ZNF423: variants seen among roughly 807,000 people sequenced by gnomAD.
ZNF423 encodes the protein zinc finger protein 423, also known as Ebf-associated zinc finger protein.
In ZNF423, 12 loss-of-function variants were observed where a neutral mutation model predicts 95.8. That is an observed-to-expected ratio of 0.13 (90% CI 0.08 to 0.20). The LOEUF is 0.20. ZNF423 is among the 10% of genes least tolerant of loss of function. ZNF423 has a pLI of 1.00. For synonymous variants in ZNF423, 749 were observed against 711.9 expected (o/e 1.05, Z -0.83); for missense variants, 1,316 against 1,737.1 (o/e 0.76, Z 4.31).
intron 1 of ZNF423, among the ~76,000 whole-genome samples, chr16:49,834,712 C>T (rs1416130183): frequency 6.6e-6 from 1 of 152,086 alleles, no homozygotes; most frequent in Non-Finnish European, 1.5e-5. Flanking sequence ...GGCTGCCACT[C>T]GGAGCACGCT....
At position 49,795,880 on chromosome 16, in the gene ZNF423, TG is replaced by T. The variant is rs1453776180; in HGVS notation, c.41-6335del. ...GTGTTTGCGGCCATCTCTGAAGTCCTGGGGGGCTTCCAGTTCCCTGTGTGAG... is the reference window on the plus strand; with the variant it reads ...GTGTTTGCGGCCATCTCTGAAGTCCTGGGGGCTTCCAGTTCCCTGTGTGAG... On this transcript the variant is annotated intron_variant, in intron 1 of 7. Transcript: ENST00000563137. 3.3e-5 allele frequency among the ~76,000 whole-genome samples: 5 copies of T among 152,252 alleles called. No homozygotes were observed. In the East Asian group the frequency reaches 9.7e-4, roughly 30 times the overall value.
intron 2 of ZNF423, among the ~76,000 whole-genome samples, chr16:49,780,921 T>C (rs558581336): frequency 6.6e-6 from 1 of 152,338 alleles, no homozygotes; most frequent in East Asian, 1.9e-4. Context: ...ATCAAGAAGA[T>C]GATTGGGTTG....
At chr16:49,670,738 C>T (rs757743786) in intron 3 of ZNF423, among the ~76,000 whole-genome samples, 5 of 152,228 alleles carry the variant, frequency 3.3e-5, no homozygotes, top group East Asian at 1.9e-4. Context: ...TCTCAGCCAA[C>T]GTAGGCTACA....
At chr16:49,549,051 A>G (rs971513972) in intron 5 of ZNF423, among the ~76,000 whole-genome samples, 21 of 152,192 alleles carry the variant, frequency 1.4e-4, no homozygotes, top group African/African-American at 4.3e-4. Context: ...AGTTATTGTC[A>G]GATGTGTGCC....
At chr16:49,756,049 G>T (rs1443326335) in intron 2 of ZNF423, among the ~76,000 whole-genome samples, 1 of 152,212 alleles carries the variant, frequency 6.6e-6, no homozygotes, top group African/African-American at 2.4e-5. Context: ...TGAGTCCAAG[G>T]TTCAGGTAGA....
chr16:49,514,212 A>ACACG (rs1555502862), intron 7 of ZNF423, among the ~76,000 whole-genome samples: 1 of 43,298 alleles, frequency 2.3e-5, no homozygotes, highest in Non-Finnish European at 4.6e-5. Context: ...ACACACACAC[A>ACACG]TGCACACGCA....
chr16:49,798,961 T>G (rs1439709781), intron 1 of ZNF423, among the ~76,000 whole-genome samples: 2 of 152,160 alleles, frequency 1.3e-5, no homozygotes, highest in Non-Finnish European at 2.9e-5. Flanking sequence ...AATTCATCTG[T>G]CCTTACAGGA....
At chr16:49,675,027 G>A (rs576889171) in intron 3 of ZNF423, among the ~76,000 whole-genome samples, 6 of 152,284 alleles carry the variant, frequency 3.9e-5, no homozygotes, top group East Asian at 1.9e-4. Context: ...AGGGCAGAGC[G>A]GGAGGCCTGT....
chr16:49,499,244 T>C (rs1172046228), intron 7 of ZNF423, among the ~76,000 whole-genome samples: 1 of 152,236 alleles, frequency 6.6e-6, no homozygotes, highest in African/African-American at 2.4e-5. Context: ...AGCTCTTCCA[T>C]GCACGGGATG....
At chr16:49,743,673 C>T (rs1037228481) in intron 2 of ZNF423, among the ~76,000 whole-genome samples, 3 of 152,032 alleles carry the variant, frequency 2.0e-5, no homozygotes, top group African/African-American at 7.3e-5. Flanking sequence ...CTCCCCAGAC[C>T]CGGCTCTAGG....
At position 49,603,084 on chromosome 16, in the gene ZNF423, A is replaced by G. The variant is rs767030854; in HGVS notation, c.3601+23086T>C. Among the ~76,000 whole-genome samples, 1 of 152,178 alleles carries G rather than the reference A, an allele frequency of 6.6e-6. No individual in the cohort carries two copies. The highest frequency in any genetic ancestry group is 1.5e-5 in the Non-Finnish European group (1 of 68,024). On this transcript the variant is annotated intron_variant, in intron 5 of 7. Coordinates refer to ENST00000563137, the MANE Select transcript of ZNF423 (RefSeq NM_001379286.1). The surrounding 1 kb of genome is among the most constrained non-coding windows in gnomAD (Gnocchi z 4.1). ...GAGGTTCCGAAACACTGGTGCGAGA[A>G]AAGGGTCTGGATGGGAGGATACCAG...
chr16:49,644,710 A>G (rs1973113887), intron 3 of ZNF423, among the ~76,000 whole-genome samples: 1 of 144,450 alleles, frequency 6.9e-6, no homozygotes, highest in African/African-American at 2.6e-5. Context: ...GTGAGCCTAC[A>G]GAGGGAACAA....
intron 5 of ZNF423, among the ~76,000 whole-genome samples, chr16:49,544,206 G>GGTCCAGA (rs1567456616): frequency 6.6e-6 from 1 of 152,326 alleles, no homozygotes; most frequent in East Asian, 1.9e-4. Flanking sequence ...ACGACAGTAT[G>GGTCCAGA]GTCCAGAGGT....
intron 3 of ZNF423, among the ~76,000 whole-genome samples, chr16:49,717,544 C>T (rs1432607419): frequency 6.6e-6 from 1 of 152,246 alleles, no homozygotes. Context: ...GAGCCAAAAG[C>T]CATCATGGCA....
intron 1 of ZNF423, among the ~76,000 whole-genome samples, chr16:49,810,497 C>T (rs954737634): frequency 2.6e-5 from 4 of 152,112 alleles, no homozygotes; most frequent in African/African-American, 9.7e-5. Context: ...TCTGAGGGCC[C>T]GACTCAGCTG....
At chr16:49,791,302 C>T (rs1170492975) in intron 1 of ZNF423, among the ~76,000 whole-genome samples, 1 of 152,040 alleles carries the variant, frequency 6.6e-6, no homozygotes, top group Non-Finnish European at 1.5e-5. Flanking sequence ...GCAATCAAGA[C>T]CTCGTGTCAG....
rs1266623102 is a variant in ZNF423, at chr16:49,488,098, T to C, written c.*3177A>G. On this transcript the variant is annotated 3_prime_UTR_variant, in exon 8 of 8. Coordinates refer to ENST00000563137, the MANE Select transcript of ZNF423 (RefSeq NM_001379286.1). Reference sequence around the variant, plus strand: ...GGCAGCTCAGTAAATACTTGCTGAATGGATGAGTAGAGGAAGGGATGGATT... The same window carrying C: ...GGCAGCTCAGTAAATACTTGCTGAACGGATGAGTAGAGGAAGGGATGGATT... 2.0e-5 allele frequency: 3 copies of C among 152,262 alleles called. No homozygotes were observed. The highest frequency in any genetic ancestry group is 2.1e-4 in the South Asian group (1 of 4,834). The allele number at this position is 152,262 out of a possible 1,614,324, so 9.4% of individuals were successfully genotyped here.
At position 49,755,918 on chromosome 16, in the gene ZNF423, G is replaced by A. The variant is rs116095766; in HGVS notation, c.101-24947C>T. 3.3e-3 allele frequency among the ~76,000 whole-genome samples: 507 copies of A among 152,248 alleles called. 4 individuals are homozygous for A. Among genetic ancestry groups the A allele is most frequent in the African/African-American group, 0.012 (482 of 41,536 alleles). ...CCCGAAGACCCTGTGCTAGGGACCCGGTGGAGTCAGAGACGGCCCTGCCTC... is the reference window on the plus strand; with the variant it reads ...CCCGAAGACCCTGTGCTAGGGACCCAGTGGAGTCAGAGACGGCCCTGCCTC... On this transcript the variant is annotated intron_variant, in intron 2 of 7. Coordinates refer to ENST00000563137, the MANE Select transcript of ZNF423 (RefSeq NM_001379286.1).
intron 2 of ZNF423, among the ~76,000 whole-genome samples, chr16:49,778,871 G>A (rs965961031): frequency 3.9e-5 from 6 of 152,196 alleles, no homozygotes; most frequent in African/African-American, 1.2e-4. Context: ...CACCTTAGGG[G>A]TTGAGCACTC....
Sources: allele counts gnomAD v4.1 joint callset (sites outside exome capture counted in the v4.1 genomes callset), GRCh38; gene constraint gnomAD v4.1.1; non-coding constraint Gnocchi (gnomAD v3.1); transcripts MANE v1.5; gene names NCBI Gene and HGNC (gene_info 2026-07-23, HGNC 2026-07-21).